The following SUPT3H variants were observed in gnomAD, a reference collection of about 807,000 sequenced individuals.
SUPT3H encodes the protein transcription initiation protein SPT3 homolog.
In SUPT3H, 44 loss-of-function variants were observed where a neutral mutation model predicts 44.3. The observed-to-expected ratio is 0.99, with a 90% CI of 0.78 to 1.28. The LOEUF (loss-of-function observed/expected upper bound fraction) is 1.28. Among genes scored for constraint, SUPT3H ranks in the 50% most tolerant of loss-of-function variants. SUPT3H has a pLI of 0.00. For missense variants in SUPT3H, 380 were observed against 387.1 expected (o/e 0.98, Z 0.15); for synonymous variants, 124 against 125.6 (o/e 0.99, Z 0.09).
chr6:45,142,736 C>CAAAAAAAAAAA lies in SUPT3H; in HGVS notation c.102-36741_102-36731dup, dbSNP rs70993502. On this transcript the variant is annotated intron_variant, in intron 2 of 10. Transcript: ENST00000371459. ...GGGCAAGAAGAGCTAAACTCCGTCT[C>CAAAAAAAAAAA]AAAAAAAAAAAAAAAAAAAAAAAAA... 8.4e-3 allele frequency among the ~76,000 whole-genome samples: 126 copies of CAAAAAAAAAAA among 14,972 alleles called. 11 individuals carry two copies. The highest frequency in any genetic ancestry group is 9.5e-3 in the Non-Finnish European group (84 of 8,872). The allele number at this position is 14,972 out of a possible 152,430, so 9.8% of individuals were successfully genotyped here. A position where few individuals can be genotyped will look rare whatever the true frequency, so the allele number is the denominator to read the frequency against.
chr6:44,953,469 C>T, intron 8 of SUPT3H, 52 bp from the exon 9 acceptor site: 1 of 1,472,478 alleles, frequency 6.8e-7, no homozygotes, highest in Admixed American at 1.7e-5. Flanking sequence ...TCATGAATGC[C>T]ACTGAAGTGG....
chr6:45,226,420 T>C (rs918036324), intron 2 of SUPT3H, among the ~76,000 whole-genome samples: 16 of 152,178 alleles, frequency 1.1e-4, no homozygotes, highest in African/African-American at 2.4e-5. Context: ...TGTGGTATTG[T>C]GCTGTGCTGG....
intron 2 of SUPT3H, among the ~76,000 whole-genome samples, chr6:45,119,955 G>C (rs1159503276): frequency 1.3e-5 from 2 of 152,000 alleles, no homozygotes; most frequent in African/African-American, 4.8e-5. Context: ...AAATGACAAT[G>C]AGTCGATTAT....
At chr6:45,094,945 G>A (rs1562448033) in intron 3 of SUPT3H, among the ~76,000 whole-genome samples, 2 of 151,994 alleles carry the variant, frequency 1.3e-5, no homozygotes, top group Admixed American at 6.6e-5. Flanking sequence ...GTGACCATAC[G>A]TGTGTGTTTT....
At chr6:45,315,663 T>C (rs1784569543) in intron 2 of SUPT3H, among the ~76,000 whole-genome samples, 3 of 152,128 alleles carry the variant, frequency 2.0e-5, no homozygotes, top group Admixed American at 6.6e-5. Context: ...CAGGGAACAC[T>C]TCTACACTGC....
At chr6:44,840,296 C>T (rs548225257) in intron 10 of SUPT3H, among the ~76,000 whole-genome samples, 1 of 152,190 alleles carries the variant, frequency 6.6e-6, no homozygotes, top group South Asian at 2.1e-4. Flanking sequence ...GCAAATGGAC[C>T]TTCCTCTGTC....
At chr6:44,911,083 T>A (rs1394222020) in intron 10 of SUPT3H, among the ~76,000 whole-genome samples, 1 of 151,980 alleles carries the variant, frequency 6.6e-6, no homozygotes, top group Non-Finnish European at 1.5e-5. Context: ...GAGTTTTTTT[T>A]TAAAGCTATT....
chr6:45,331,123 G>A (rs927986837), intron 2 of SUPT3H, among the ~76,000 whole-genome samples: 1 of 149,762 alleles, frequency 6.7e-6, no homozygotes, highest in Non-Finnish European at 1.5e-5. Flanking sequence ...GTGTGTGTGT[G>A]TGTGCGCGCG....
chr6:44,967,699 A>G (rs753905996), intron 6 of SUPT3H, among the ~76,000 whole-genome samples: 1 of 152,240 alleles, frequency 6.6e-6, no homozygotes, highest in Non-Finnish European at 1.5e-5. Flanking sequence ...CTCAAGGCAC[A>G]TGGCATTTAA....
intron 10 of SUPT3H, among the ~76,000 whole-genome samples, chr6:44,883,788 T>C (rs1778661043): frequency 6.6e-6 from 1 of 152,162 alleles, no homozygotes; most frequent in Non-Finnish European, 1.5e-5. Context: ...CCCTATTTAA[T>C]AAATGGTGTT....
intron 9 of SUPT3H, among the ~76,000 whole-genome samples, chr6:44,951,640 C>G (rs1774330622): frequency 6.6e-6 from 1 of 152,288 alleles, no homozygotes; most frequent in East Asian, 1.9e-4. Context: ...AAATCCAGCA[C>G]ATATAGGATA....
intron 6 of SUPT3H, among the ~76,000 whole-genome samples, chr6:44,963,955 G>A (rs968042318): frequency 2.0e-5 from 3 of 150,330 alleles, no homozygotes; most frequent in Non-Finnish European, 2.9e-5. Context: ...CCAAGATCAC[G>A]CCACTGCACT....
At chr6:45,208,813 G>C (rs1431527386) in intron 2 of SUPT3H, among the ~76,000 whole-genome samples, 1 of 151,656 alleles carries the variant, frequency 6.6e-6, no homozygotes, top group Admixed American at 6.6e-5. Context: ...CCCATAGCTG[G>C]AGAGGAGAAG....
intron 1 of SUPT3H, among the ~76,000 whole-genome samples, chr6:45,372,685 GTCTC>G (rs1473374414): frequency 6.6e-6 from 1 of 152,008 alleles, no homozygotes; most frequent in Non-Finnish European, 1.5e-5. Context: ...TTGAGACAGG[GTCTC>G]TCTCTGTTGC....
rs533138493 is a variant in SUPT3H at position 45,049,550 on chromosome 6, C to T, written c.187-28918G>A. On this transcript the variant is annotated intron_variant, in intron 3 of 10. Coordinates refer to ENST00000371459, the MANE Select transcript of SUPT3H (RefSeq NM_003599.4). ...CAAATGAAACTATAATGACATTTCACGACTTGCCTGCCACTAATTTTGCTG... is the reference window on the plus strand; with the variant it reads ...CAAATGAAACTATAATGACATTTCATGACTTGCCTGCCACTAATTTTGCTG... Among the ~76,000 whole-genome samples the T allele has an allele frequency of 3.9e-5, 6 of 152,160 alleles. No individual in the cohort carries two copies. In the South Asian group the frequency reaches 8.3e-4, roughly 21 times the overall value.
chr6:45,065,178 A>T lies in SUPT3H; in HGVS notation c.186+40744T>A, dbSNP rs1328431238. Among the ~76,000 whole-genome samples the T allele has an allele frequency of 4.6e-5, 7 of 152,058 alleles. No homozygotes were observed. The East Asian group carries it at 1.4e-3, about 29-fold the overall frequency. On this transcript the variant is annotated intron_variant, in intron 3 of 10. Coordinates refer to ENST00000371459, the MANE Select transcript of SUPT3H (RefSeq NM_003599.4). ...ATCTCACTCAAAGCCGCTCAACTATATGGAAACTGAACAACCTGCTCCTGA... is the reference window on the plus strand; with the variant it reads ...ATCTCACTCAAAGCCGCTCAACTATTTGGAAACTGAACAACCTGCTCCTGA...
chr6:45,208,784 G>A (rs1763613434), intron 2 of SUPT3H, among the ~76,000 whole-genome samples: 2 of 150,712 alleles, frequency 1.3e-5, no homozygotes, highest in Admixed American at 1.3e-4. Flanking sequence ...TCTACTGGAA[G>A]AAGATGCCAT....
intron 2 of SUPT3H, among the ~76,000 whole-genome samples, chr6:45,284,987 A>G (rs926081468): frequency 2.6e-5 from 4 of 152,106 alleles, no homozygotes; most frequent in Non-Finnish European, 4.4e-5. Flanking sequence ...ACCAAAGACA[A>G]AAACCACACG....
intron 1 of SUPT3H, among the ~76,000 whole-genome samples, chr6:45,375,185 C>A (rs1270631623): frequency 1.3e-5 from 2 of 152,158 alleles, no homozygotes; most frequent in Non-Finnish European, 2.9e-5. Flanking sequence ...CCAATCTGGG[C>A]AACAAGAGTG....
Sources: allele counts gnomAD v4.1 joint callset (sites outside exome capture counted in the v4.1 genomes callset), GRCh38; gene constraint gnomAD v4.1.1; transcripts MANE v1.5; gene names NCBI Gene and HGNC (gene_info 2026-07-23, HGNC 2026-07-21).